GK: variants seen among roughly 807,000 people sequenced by gnomAD.
GK encodes the protein ATP:glycerol 3-phosphotransferase.
In GK, 9 loss-of-function variants were observed where a neutral mutation model predicts 56.4. The observed-to-expected ratio is 0.16, with a 90% confidence interval of 0.10 to 0.28. The LOEUF (loss-of-function observed/expected upper bound fraction) is 0.28. Among genes scored for constraint, GK ranks in the 10% least tolerant of loss-of-function variants. GK has a pLI of 1.00. For synonymous variants in GK, 104 were observed against 144.1 expected (o/e 0.72, Z 1.99); for missense variants, 161 against 431.4 (o/e 0.37, Z 5.55).
Position 30,653,427 on chromosome X carries a change from T to C in GK, c.-111T>C, listed in dbSNP as rs1010563796. 4.4e-6 allele frequency: 3 copies of C among 675,363 alleles called. No homozygotes were observed. Among genetic ancestry groups the C allele is most frequent in the Non-Finnish European group, 4.9e-6 (2 of 411,627 alleles). The allele number at this position is 675,363 out of a possible 1,213,427, so 55.7% of individuals were successfully genotyped here. On this transcript the variant is annotated 5_prime_UTR_variant, in exon 1 of 21. Coordinates refer to ENST00000427190, the MANE Select transcript of GK (RefSeq NM_001205019.2). ...GCCGCCTCGAGCGCGGTCCGAGCGT[T>C]CAGCGGACGCGCGCGGCCTCGATCT... is the stretch of plus-strand genomic sequence containing the variant.
rs1936016340 is a variant in GK, at chrX:30,706,510, C to T, written c.852-1046C>T. 2.7e-5 allele frequency among the ~76,000 whole-genome samples: 3 copies of T among 111,891 alleles called. No homozygotes were observed. In the South Asian group the frequency reaches 1.1e-3, roughly 42 times the overall value. On this transcript the variant is annotated intron_variant, in intron 11 of 20. Transcript: ENST00000427190. ...AATGCCCAGCTTGGGCAGAGCCAAG[C>T]AAGGGTGACTGTAGCAACCTTGTTA...
chrX:30,691,076 T>A (rs751304786), intron 4 of GK, 47 bp from the exon 5 acceptor site: 2 of 732,289 alleles, frequency 2.7e-6, no homozygotes, highest in South Asian at 4.6e-5. Context: ...AAGTTCTTAT[T>A]TTTTAAATGA....
Position 30,677,808 on chromosome X carries a change from G to A in GK, c.337+356G>A, listed in dbSNP as rs1002306533. Among the ~76,000 whole-genome samples, 54 of 85,982 alleles carry A rather than the reference G, an allele frequency of 6.3e-4. 1 individual carries two copies. The highest frequency in any genetic ancestry group is 3.0e-4 in the Non-Finnish European group (14 of 46,650). 74.7% of individuals were successfully genotyped at this position (85,982 alleles called of 115,157 possible). ...CCATTGCACTCCAGCCTGGGCAAGA[G>A]AGTGAGACTCCATCTCAAAAAAAAA... On this transcript the variant is annotated intron_variant, in intron 4 of 20. Coordinates refer to ENST00000427190, the MANE Select transcript of GK (RefSeq NM_001205019.2).
chrX:30,707,367 T>G lies in GK; in HGVS notation c.852-189T>G, dbSNP rs891378874. Among the ~76,000 whole-genome samples, 4 of 111,235 alleles carry G rather than the reference T, an allele frequency of 3.6e-5. No individual in the cohort carries two copies. The East Asian group carries it at 1.1e-3, about 31-fold the overall frequency. On this transcript the variant is annotated intron_variant, in intron 11 of 20. Coordinates refer to ENST00000427190, the MANE Select transcript of GK (RefSeq NM_001205019.2). ...AAAAGATTGCACTAAGTACATTTTCTTCTAGGCTGATTTCTAAAACATTAT... is the reference window on the plus strand; with the variant it reads ...AAAAGATTGCACTAAGTACATTTTCGTCTAGGCTGATTTCTAAAACATTAT...
chrX:30,707,147 G>A (rs1601934971), intron 11 of GK, among the ~76,000 whole-genome samples: 1 of 111,011 alleles, frequency 9.0e-6, no homozygotes, highest in African/African-American at 3.3e-5. Context: ...TGACTAACAC[G>A]GTGAAACCCC....
At position 30,696,569 on chromosome X, in the gene GK, G is replaced by C. The variant is rs999829962; in HGVS notation, c.663-48G>C. The C allele has an allele frequency of 9.4e-6, 8 of 853,708 alleles. 1 individual carries two copies. The East Asian group carries it at 2.5e-4, about 27-fold the overall frequency. The allele number at this position is 853,708 out of a possible 1,213,427, so 70.4% of individuals were successfully genotyped here. ...ATTTAAATACATATAAATGTTTCTA[G>C]ATGTCTATTTAAAACAGTGTTAAAT... On this transcript the variant is annotated intron_variant, in intron 7 of 20. Coordinates refer to ENST00000427190, the MANE Select transcript of GK (RefSeq NM_001205019.2).
At chrX:30,701,176 G>C (rs755996950) in intron 11 of GK, among the ~76,000 whole-genome samples, 14 of 111,973 alleles carry the variant, frequency 1.3e-4, no homozygotes, top group Non-Finnish European at 2.3e-4. Context: ...TTGAGTGGCC[G>C]AGACAGGTGG....
intron 4 of GK, among the ~76,000 whole-genome samples, chrX:30,684,745 CTT>C (rs1443375895): frequency 9.5e-6 from 1 of 105,419 alleles, no homozygotes; most frequent in Non-Finnish European, 1.9e-5. Context: ...TGGCTTAACA[CTT>C]TTAGGATATT....
intron 1 of GK, among the ~76,000 whole-genome samples, chrX:30,664,196 T>G (rs1291463282): frequency 1.0e-5 from 1 of 96,020 alleles, no homozygotes; most frequent in Non-Finnish European, 2.0e-5. Flanking sequence ...TATATATATA[T>G]AGATTTTTTT....
chrX:30,659,329 G>A (rs185721015), intron 1 of GK, among the ~76,000 whole-genome samples: 5 of 112,596 alleles, frequency 4.4e-5, no homozygotes, highest in South Asian at 3.6e-4. Flanking sequence ...CACCGTGCTC[G>A]GCCAATTTCA....
At chrX:30,691,861 G>A (rs1934953048) in intron 5 of GK, among the ~76,000 whole-genome samples, 1 of 110,039 alleles carries the variant, frequency 9.1e-6, no homozygotes, top group Non-Finnish European at 1.9e-5. Context: ...TTCAGGGAGA[G>A]AGAAAGTAAA....
chrX:30,703,910 G>A (rs984061668), intron 11 of GK, among the ~76,000 whole-genome samples: 7 of 105,679 alleles, frequency 6.6e-5, no homozygotes, highest in African/African-American at 1.8e-4. Context: ...GCAGTGAGCC[G>A]AGATTGCATC....
intron 18 of GK, among the ~76,000 whole-genome samples, chrX:30,721,377 C>A (rs773098118): frequency 4.3e-4 from 47 of 108,481 alleles, no homozygotes; most frequent in Non-Finnish European, 7.7e-4. Flanking sequence ...CTGCAAGCTC[C>A]GCCTCCCGGG....
intron 4 of GK, among the ~76,000 whole-genome samples, chrX:30,683,285 G>C (rs1372187514): frequency 9.0e-6 from 1 of 110,710 alleles, no homozygotes; most frequent in Non-Finnish European, 1.9e-5. Context: ...TGAACTCCTG[G>C]CCTCAAGTGA....
intron 13 of GK, among the ~76,000 whole-genome samples, chrX:30,710,637 G>A (rs1411427713): frequency 9.0e-6 from 1 of 111,090 alleles, no homozygotes; most frequent in Non-Finnish European, 1.9e-5. Flanking sequence ...ATCAATTGTT[G>A]TTAGGCTTAG....
At chrX:30,700,996 G>C (rs1325568740) in intron 11 of GK, 91 bp downstream of exon 11, 12 of 585,713 alleles carry the variant, frequency 2.0e-5, no homozygotes, top group East Asian at 2.0e-4. Context: ...AGTTCATCCA[G>C]GATGAAAATC....
At chrX:30,677,983 T>C (rs1416859551) in intron 4 of GK, 2 of 549,816 alleles carry the variant, frequency 3.6e-6, no homozygotes, top group Non-Finnish European at 6.7e-6. Flanking sequence ...CCATGCTCTC[T>C]CCTCTTGCAG....
intron 18 of GK, among the ~76,000 whole-genome samples, chrX:30,722,144 G>A (rs955238727): frequency 9.0e-6 from 1 of 111,699 alleles, no homozygotes; most frequent in Non-Finnish European, 1.9e-5. Context: ...ATGCATTTTT[G>A]TTTGGTTTTC....
chrX:30,678,902 G>A (rs910982001), intron 4 of GK, among the ~76,000 whole-genome samples: 15 of 96,607 alleles, frequency 1.6e-4, no homozygotes, highest in Admixed American at 6.1e-4. Context: ...GTTTCACCAC[G>A]TTGGCCAGGC....
Sources: gnomAD v4.1 joint callset for allele counts (sites outside exome capture counted in the v4.1 genomes callset) on GRCh38, gnomAD v4.1.1 for gene constraint, MANE v1.5 for transcripts, NCBI Gene and HGNC (gene_info 2026-07-23, HGNC 2026-07-21) for gene names.